The following GPATCH2L variants were observed in gnomAD, a reference collection of about 807,000 sequenced individuals.
GPATCH2L encodes G-patch domain containing 2 like.
Under a neutral mutation model 57.4 loss-of-function variants are expected in GPATCH2L, and 31 were observed. The ratio of observed to expected loss-of-function variants is 0.54; its 90% CI spans 0.41 to 0.73. The LOEUF is 0.73. Ranked by LOEUF, GPATCH2L falls within the 30% of genes least tolerant of loss-of-function variation. GPATCH2L has a pLI of 0.00. For missense variants in GPATCH2L, 481 were observed against 599.9 expected (o/e 0.80, Z 2.07); for synonymous variants, 199 against 210.7 (o/e 0.94, Z 0.48).
At chr14:76,196,444 T>TTG (rs1448112393) in intron 9 of GPATCH2L, 8 of 198,538 alleles carry the variant, frequency 4.0e-5, no homozygotes, top group Non-Finnish European at 8.2e-5. Flanking sequence ...TCAGTTTTTT[T>TTG]TTTTTTTTTT....
At chr14:76,155,202 C>T (rs931345642) in intron 2 of GPATCH2L, among the ~76,000 whole-genome samples, 177 bp downstream of exon 2, 3 of 152,158 alleles carry the variant, frequency 2.0e-5, no homozygotes, top group Admixed American at 6.5e-5. Context: ...GAGTCTATTT[C>T]CCTCTGTCAG....
intron 2 of GPATCH2L, among the ~76,000 whole-genome samples, chr14:76,166,050 C>T (rs569777785): frequency 5.9e-5 from 9 of 152,290 alleles, no homozygotes; most frequent in Non-Finnish European, 8.8e-5. Flanking sequence ...GGCAGAATTT[C>T]GTGGGACAAA....
intron 1 of GPATCH2L, among the ~76,000 whole-genome samples, chr14:76,223,692 G>T (rs1490899353): frequency 1.3e-5 from 2 of 152,116 alleles, no homozygotes; most frequent in South Asian, 2.1e-4. Context: ...TTGGATAAGG[G>T]TCTGATATCC....
In GPATCH2L at chr14:76,154,737, C is replaced by T. The variant is rs1231967360; in HGVS notation, c.374C>T (p.Pro125Leu). The T allele has an allele frequency of 1.2e-6, 2 of 1,614,194 alleles. No homozygotes were observed. Among genetic ancestry groups the T allele is most frequent in the Admixed American group, 1.7e-5 (1 of 60,026 alleles). Residue 125 changes from proline to leucine, a missense_variant, in exon 2 of 10, where the codon CCA becomes CTA. Pro to Leu is a moderately conservative substitution (Grantham distance 98, BLOSUM62 -3). Transcript: ENST00000261530. This position sits in a 1 kb window ranked among gnomAD's most constrained non-coding sequence, Gnocchi z 4.4. ...TTTACTGAAAATGCACCTTGTCGAC[C>T]ACTCAGGCGCAGGCGGAAGGTGAAG... ...DSFTENAPCR[P>L]LRRRRKVKRV...
intron 3 of GPATCH2L, 140 bp from the exon 4 acceptor site, chr14:76,171,703 A>G (rs1224180528): frequency 3.5e-6 from 2 of 563,406 alleles, no homozygotes; most frequent in Admixed American, 3.1e-5. Flanking sequence ...AGCCTGGGTG[A>G]CAGAGCAAGA....
intron 2 of GPATCH2L, among the ~76,000 whole-genome samples, chr14:76,160,414 C>G (rs2038526429): frequency 6.6e-6 from 1 of 152,132 alleles, no homozygotes; most frequent in African/African-American, 2.4e-5. Flanking sequence ...CATCTGTATT[C>G]TCTATTGCTA....
intron 8 of GPATCH2L, among the ~76,000 whole-genome samples, chr14:76,182,819 A>G (rs185529719): frequency 2.0e-5 from 3 of 152,294 alleles, no homozygotes; most frequent in Admixed American, 6.5e-5. Flanking sequence ...GGTTTGAAAA[A>G]GCACAGAGGA....
intron 3 of GPATCH2L, among the ~76,000 whole-genome samples, chr14:76,167,633 G>A (rs1436598800): frequency 1.3e-5 from 2 of 152,166 alleles, no homozygotes; most frequent in Admixed American, 6.5e-5. Flanking sequence ...CGAAGTTGTA[G>A]GCATAGAGGC....
chr14:76,204,478 G>C lies in GPATCH2L; in HGVS notation c.*2627G>C, dbSNP rs117260815. On this transcript the variant is annotated 3_prime_UTR_variant, in exon 10 of 10. Transcript: ENST00000261530. ...AATTATTAATCAGTGTATTCTGCTT[G>C]CTTTCTGTATTAACCAGTTCCAGAG... is the stretch of plus-strand genomic sequence containing the variant. 1.3e-5 allele frequency: 2 copies of C among 152,140 alleles called. No individual in the cohort carries two copies. The highest frequency in any genetic ancestry group is 4.8e-5 in the African/African-American group (2 of 41,418). The allele number at this position is 152,140 out of a possible 1,614,324, so 9.4% of individuals were successfully genotyped here.
chr14:76,189,438 T>C (rs1043031326), intron 8 of GPATCH2L, among the ~76,000 whole-genome samples: 2 of 152,108 alleles, frequency 1.3e-5, no homozygotes, highest in Non-Finnish European at 2.9e-5. Context: ...AGTTAATTCC[T>C]AGGTATTTAA....
At chr14:76,234,675 AG>A (rs1343569699) in intron 2 of GPATCH2L, 1 of 152,458 alleles carries the variant, frequency 6.6e-6, no homozygotes, top group Non-Finnish European at 1.5e-5. Flanking sequence ...AACAACCTGA[AG>A]AAGCTTGGAG....
intron 8 of GPATCH2L, among the ~76,000 whole-genome samples, chr14:76,192,803 T>G (rs2040022334): frequency 6.6e-6 from 1 of 152,174 alleles, no homozygotes; most frequent in Admixed American, 6.6e-5. Flanking sequence ...ACTTAACAAG[T>G]TTCTTTACTT....
chr14:76,180,774 T>C lies in GPATCH2L; in HGVS notation c.1118T>C (p.Leu373Pro), dbSNP rs958481589. The change falls in exon 8 of 10, where the codon CTG (leucine) becomes CCG (proline). Residue 373 changes from leucine to proline, a missense_variant. Physicochemically the swap from Leu to Pro is moderately conservative, Grantham distance 98. Coordinates refer to ENST00000261530, the MANE Select transcript of GPATCH2L (RefSeq NM_017926.4). ...ISACAHEFNP[L>P]SPLYSLDVLA... is the part of the protein sequence containing the mutation. ...TATTCATTCCTGCAGTTCAATCCCC[T>C]GTCTCCCCTTTACTCCCTGGATGTT... 3 of 1,609,670 alleles carry C rather than the reference T, an allele frequency of 1.9e-6. No individual in the cohort carries two copies. The highest frequency in any genetic ancestry group is 2.7e-5 in the African/African-American group (2 of 74,852).
At chr14:76,158,346 A>G (rs567356130) in intron 2 of GPATCH2L, among the ~76,000 whole-genome samples, 49 of 152,266 alleles carry the variant, frequency 3.2e-4, no homozygotes, top group Middle Eastern at 3.4e-3. Flanking sequence ...TCTTATTTTT[A>G]TAGAAAATCA....
At chr14:76,200,621 A>G (rs1299183016) in intron 9 of GPATCH2L, among the ~76,000 whole-genome samples, 1 of 152,192 alleles carries the variant, frequency 6.6e-6, no homozygotes, top group Non-Finnish European at 1.5e-5. Flanking sequence ...AGATATTTTT[A>G]CATTAGCCCA....
At chr14:76,164,085 G>A (rs902579802) in intron 2 of GPATCH2L, among the ~76,000 whole-genome samples, 1 of 152,136 alleles carries the variant, frequency 6.6e-6, no homozygotes, top group African/African-American at 2.4e-5. Context: ...GGAGGCTTCA[G>A]ATCATTTGAG....
rs565646522 is a variant in GPATCH2L at position 76,209,500 on chromosome 14, G to T, written c.*7649G>T. On this transcript the variant is annotated 3_prime_UTR_variant, in exon 10 of 10. Coordinates refer to ENST00000261530, the MANE Select transcript of GPATCH2L (RefSeq NM_017926.4). ...AGGTGGGTCACTCCTGTTTACTTAT[G>T]AGTTGCTATTTATGAAAAGATGGCC... 37 of 152,336 alleles carry T rather than the reference G, an allele frequency of 2.4e-4. No individual in the cohort carries two copies. Among genetic ancestry groups the T allele is most frequent in the African/African-American group, 7.9e-4 (33 of 41,570 alleles). The allele number at this position is 152,336 out of a possible 1,614,324, so 9.4% of individuals were successfully genotyped here.
chr14:76,195,885 A>G lies in GPATCH2L; in HGVS notation c.1201A>G (p.Asn401Asp). The G allele has an allele frequency of 8.7e-6, 14 of 1,612,542 alleles. No individual in the cohort carries two copies. Among genetic ancestry groups the G allele is most frequent in the Middle Eastern group, 1.7e-4 (1 of 6,060 alleles). ...SPAHCSARQA[N>D]VHWGPPCSRD... ...TTCTTCTTACATCTGCAGACAGGCA[A>G]ATGTACACTGGGGACCACCATGTTC... The change falls in exon 9 of 10, where the codon AAT (asparagine) becomes GAT (aspartate). Residue 401 changes from asparagine to aspartate, a missense_variant. This residue lies in a region of GPATCH2L where 248 missense variants were observed against 270.5 expected (regional missense o/e 0.92). Transcript: ENST00000261530.
rs192216524 is a variant in GPATCH2L, at chr14:76,206,664, G to A, written c.*4813G>A. The A allele has an allele frequency of 3.3e-3, 509 of 152,532 alleles. 3 individuals are homozygous for A. Among genetic ancestry groups the A allele is most frequent in the Non-Finnish European group, 3.8e-3 (257 of 68,146 alleles). 9.4% of individuals were successfully genotyped at this position (152,532 alleles called of 1,614,324 possible). A position where few individuals can be genotyped will look rare whatever the true frequency, so the allele number is the denominator to read the frequency against. On this transcript the variant is annotated 3_prime_UTR_variant, in exon 10 of 10. Coordinates refer to ENST00000261530, the MANE Select transcript of GPATCH2L (RefSeq NM_017926.4). ...TCAATGTGTGGTCCCTAGGCCAACA[G>A]CATCAGCACATCTTGCCCTCACCAG...
Sources: gnomAD v4.1 joint callset for allele counts (sites outside exome capture counted in the v4.1 genomes callset) on GRCh38, gnomAD v4.1.1 for gene constraint, gnomAD v4.1.1 regional missense constraint, Gnocchi (gnomAD v3.1) non-coding constraint, MANE v1.5 for transcripts, NCBI Gene and HGNC (gene_info 2026-07-23, HGNC 2026-07-21) for gene names.